STK3: variants seen among roughly 807,000 people sequenced by gnomAD.
STK3 encodes the protein serine/threonine kinase 3.
In STK3, 41 loss-of-function variants were observed where a neutral mutation model predicts 58.0. The ratio of observed to expected loss-of-function variants is 0.71; its 90% CI spans 0.55 to 0.92. The LOEUF is 0.92. STK3 is among the 40% of genes least tolerant of loss of function. STK3 has a pLI of 0.00. For missense variants in STK3, 479 were observed against 602.7 expected (o/e 0.79, Z 2.15); for synonymous variants, 170 against 191.0 (o/e 0.89, Z 0.91).
intron 6 of STK3, among the ~76,000 whole-genome samples, chr8:98,660,952 C>A (rs1234914097): frequency 1.3e-5 from 2 of 150,786 alleles, no homozygotes; most frequent in Non-Finnish European, 2.9e-5. Context: ...ACCTGCCCTG[C>A]AAAAAACAAA....
intron 7 of STK3, among the ~76,000 whole-genome samples, chr8:98,593,259 G>A (rs968048928): frequency 3.9e-5 from 6 of 152,054 alleles, no homozygotes; most frequent in African/African-American, 1.4e-4. Context: ...TTTTAAAAAT[G>A]TATACAATAA....
intron 3 of STK3, among the ~76,000 whole-genome samples, chr8:98,849,848 A>G (rs1259029665): frequency 6.6e-6 from 1 of 152,184 alleles, no homozygotes; most frequent in East Asian, 1.9e-4. Context: ...AGCCTGGGTT[A>G]CAGGCCCATT....
intron 1 of STK3, among the ~76,000 whole-genome samples, chr8:98,817,828 C>A (rs527305613): frequency 6.6e-6 from 1 of 152,256 alleles, no homozygotes; most frequent in South Asian, 2.1e-4. Flanking sequence ...CTCTTTTATT[C>A]TTAACCCTCT....
chr8:98,706,068 A>C (rs1042149699), intron 6 of STK3, among the ~76,000 whole-genome samples: 1 of 151,952 alleles, frequency 6.6e-6, no homozygotes, highest in Non-Finnish European at 1.5e-5. Flanking sequence ...AAAAAAAAAA[A>C]CACACAGTAA....
chr8:98,805,439 G>A (rs1833836486), intron 1 of STK3, among the ~76,000 whole-genome samples: 1 of 152,150 alleles, frequency 6.6e-6, no homozygotes, highest in Non-Finnish European at 1.5e-5. Flanking sequence ...GCCAGGCATG[G>A]TGGCGGGTGC....
At chr8:98,810,067 G>C (rs976091286) in intron 1 of STK3, among the ~76,000 whole-genome samples, 27 of 152,270 alleles carry the variant, frequency 1.8e-4, no homozygotes, top group African/African-American at 6.0e-4. Context: ...GGAAGAGAGA[G>C]AGATGGGGAG....
At chr8:98,707,471 T>C (rs953641793) in intron 4 of STK3, among the ~76,000 whole-genome samples, 160 bp from the exon 5 acceptor site, 1 of 152,232 alleles carries the variant, frequency 6.6e-6, no homozygotes, top group East Asian at 1.9e-4. Flanking sequence ...GGTGTGATGA[T>C]AGCTCACTGC....
rs765272842 is a variant in STK3, at chr8:98,706,435, C to T, written c.684+32G>A. On this transcript the variant is annotated intron_variant, in intron 6 of 10. Transcript: ENST00000419617. ...ACAAAACGGCAACACTTATATAAGG[C>T]TAACATTTTCAGCAAACCATAATTT... is the stretch of plus-strand genomic sequence containing the variant. 6 of 1,582,166 alleles carry T rather than the reference C, an allele frequency of 3.8e-6. 1 individual carries two copies. In the South Asian group the frequency reaches 7.1e-5, roughly 19 times the overall value.
At chr8:98,615,184 C>T (rs28816795) in intron 6 of STK3, among the ~76,000 whole-genome samples, 1 of 151,082 alleles carries the variant, frequency 6.6e-6, no homozygotes, top group East Asian at 2.0e-4. Context: ...CTGGGAGGCA[C>T]CCCCTAGCAG....
chr8:98,464,089 A>T (rs1820230151), intron 10 of STK3, among the ~76,000 whole-genome samples: 2 of 152,242 alleles, frequency 1.3e-5, no homozygotes, highest in South Asian at 4.2e-4. Context: ...CCTTTGATTA[A>T]AAAAATATGG....
intron 6 of STK3, among the ~76,000 whole-genome samples, chr8:98,628,614 T>C (rs1587080579): frequency 1.3e-5 from 2 of 151,756 alleles, no homozygotes; most frequent in African/African-American, 2.4e-5. Flanking sequence ...CTGGGCAAAA[T>C]AGCGCAACCC....
intron 6 of STK3, among the ~76,000 whole-genome samples, chr8:98,680,056 T>C (rs1563882169): frequency 1.3e-5 from 2 of 152,178 alleles, no homozygotes; most frequent in African/African-American, 4.8e-5. Context: ...ACTTTTCCAT[T>C]AGAATATTCA....
chr8:98,679,650 T>C (rs1346117560), intron 6 of STK3, among the ~76,000 whole-genome samples: 1 of 152,202 alleles, frequency 6.6e-6, no homozygotes, highest in Non-Finnish European at 1.5e-5. Flanking sequence ...CCCAAGCACA[T>C]GGTAGGTACT....
chr8:98,930,902 G>A (rs986826625), intron 1 of STK3, among the ~76,000 whole-genome samples: 19 of 152,206 alleles, frequency 1.2e-4, no homozygotes, highest in Admixed American at 5.9e-4. Context: ...GTCATTCTGA[G>A]AACAGGCCTG....
intron 7 of STK3, among the ~76,000 whole-genome samples, chr8:98,581,371 A>G (rs1813868184): frequency 6.6e-6 from 1 of 152,172 alleles, no homozygotes; most frequent in African/African-American, 2.4e-5. Context: ...TGGTAGGAGT[A>G]TAAGTCTAGG....
chr8:98,803,835 C>G (rs761439023), intron 1 of STK3, among the ~76,000 whole-genome samples: 1 of 151,966 alleles, frequency 6.6e-6, no homozygotes, highest in East Asian at 1.9e-4. Flanking sequence ...CAATAAGTTA[C>G]CTGCTAGGGT....
At chr8:98,399,177 G>A (rs1199070553), downstream of STK3, among the ~76,000 whole-genome samples, 3 of 152,198 alleles carry the variant, frequency 2.0e-5, no homozygotes, top group Non-Finnish European at 4.4e-5. Flanking sequence ...CCCACCCAGA[G>A]TAAATAAGGG....
At chr8:98,654,953 G>A (rs1192504081) in intron 6 of STK3, among the ~76,000 whole-genome samples, 14 of 151,898 alleles carry the variant, frequency 9.2e-5, no homozygotes, top group South Asian at 4.1e-4. Context: ...CAAGCTACCA[G>A]TGACTTTCTT....
chr8:98,711,723 C>G (rs1430385084), intron 4 of STK3, among the ~76,000 whole-genome samples: 1 of 152,060 alleles, frequency 6.6e-6, no homozygotes, highest in East Asian at 1.9e-4. Context: ...GGATATCATC[C>G]AGGAGAACTT....
Sources: gnomAD v4.1 joint callset for allele counts (sites outside exome capture counted in the v4.1 genomes callset) on GRCh38, gnomAD v4.1.1 for gene constraint, MANE v1.5 for transcripts, NCBI Gene and HGNC (gene_info 2026-07-23, HGNC 2026-07-21) for gene names.